The following TRAPPC12 variants were observed in gnomAD, a reference collection of about 807,000 sequenced individuals.
TRAPPC12 encodes the protein TPR repeat protein 15.
In TRAPPC12, 61 loss-of-function variants were observed where a neutral mutation model predicts 69.2. The observed-to-expected ratio is 0.88, with a 90% CI of 0.72 to 1.09. TRAPPC12 has a LOEUF of 1.09. Ranked by LOEUF, TRAPPC12 falls within the 50% of genes least tolerant of loss-of-function variation. The probability of loss-of-function intolerance (pLI) is 0.00; values close to 1 mark genes in which losing one functional copy is unlikely to be tolerated. For missense variants in TRAPPC12, 1,101 were observed against 1,016.4 expected, an observed-to-expected ratio of 1.08 and a Z score of -1.13; for synonymous variants, 469 against 438.9, an observed-to-expected ratio of 1.07 and a Z score of -0.86.
chr2:3,478,813 C>T (rs968187649), intron 10 of TRAPPC12, 33 bp from the exon 11 acceptor site: 9 of 1,603,140 alleles, frequency 5.6e-6, no homozygotes, highest in Admixed American at 5.0e-5. Flanking sequence ...CCTGGGCTTT[C>T]CCCGCTAACT....
chr2:3,401,894 G>GT lies in TRAPPC12; in HGVS notation c.1164+2dup. 6.4e-7 allele frequency: 1 copy of GT among 1,568,206 alleles called. No homozygotes were observed. The highest frequency in any genetic ancestry group is 8.7e-7 in the Non-Finnish European group (1 of 1,155,226). ...TTTTGTTGGATTGAAACAGCTAATC[G>GT]TAAGTGACAATGTGTTTGATTTCAG... On this transcript the variant is annotated splice_donor_variant, in intron 3 of 11. Coordinates refer to ENST00000324266, the MANE Select transcript of TRAPPC12 (RefSeq NM_016030.6). LOFTEE classifies it high-confidence loss of function.
At chr2:3,466,690 T>G (rs1331621822) in intron 9 of TRAPPC12, among the ~76,000 whole-genome samples, 1 of 152,098 alleles carries the variant, frequency 6.6e-6, no homozygotes, top group Non-Finnish European at 1.5e-5. Context: ...GGACACCAGA[T>G]AGTGTTGGAG....
At chr2:3,400,591 T>C (rs1392837445) in intron 2 of TRAPPC12, among the ~76,000 whole-genome samples, 3 of 152,152 alleles carry the variant, frequency 2.0e-5, no homozygotes, top group Admixed American at 2.0e-4. Context: ...TGGTCCCAGC[T>C]GTGTGTGAGA....
intron 3 of TRAPPC12, among the ~76,000 whole-genome samples, chr2:3,410,961 CGGAGGTT>C (rs1662022840): frequency 1.3e-5 from 2 of 152,118 alleles, no homozygotes; most frequent in Non-Finnish European, 1.5e-5. Context: ...ACCCAGGAGG[CGGAGGTT>C]GCAGTGAGCC....
intron 5 of TRAPPC12, among the ~76,000 whole-genome samples, chr2:3,428,790 G>A (rs1330309189): frequency 6.6e-6 from 1 of 152,070 alleles, no homozygotes; most frequent in African/African-American, 2.4e-5. Context: ...GCCTGGGGCC[G>A]ACCCAGCCCC....
chr2:3,438,910 G>A (rs1284421926), intron 5 of TRAPPC12, among the ~76,000 whole-genome samples: 2 of 152,090 alleles, frequency 1.3e-5, no homozygotes, highest in East Asian at 1.9e-4. Flanking sequence ...TCAGGGTTTT[G>A]TGTAGATACA....
chr2:3,409,750 TAAAAAAAAAAAAAAAAA>T (rs71396989), intron 3 of TRAPPC12, among the ~76,000 whole-genome samples: 2 of 54,914 alleles, frequency 3.6e-5, no homozygotes, highest in East Asian at 4.6e-4. Context: ...ACTTTGTCTT[TAAAAAAAAAAAAAAAAA>T]AAAAAAAAAA....
chr2:3,431,356 C>T (rs1428102278), intron 5 of TRAPPC12, among the ~76,000 whole-genome samples: 2 of 152,200 alleles, frequency 1.3e-5, no homozygotes, highest in Admixed American at 6.5e-5. Flanking sequence ...GGGAGCATCC[C>T]GGTCCCAGGA....
intron 5 of TRAPPC12, among the ~76,000 whole-genome samples, chr2:3,431,262 G>A (rs1663422241): frequency 6.6e-6 from 1 of 152,156 alleles, no homozygotes; most frequent in African/African-American, 2.4e-5. Flanking sequence ...CAGAGTCTTT[G>A]GCCCTGTAGA....
At chr2:3,420,991 T>C (rs1662748404) in intron 3 of TRAPPC12, among the ~76,000 whole-genome samples, 1 of 152,222 alleles carries the variant, frequency 6.6e-6, no homozygotes, top group South Asian at 2.1e-4. Flanking sequence ...ATACCACTAA[T>C]GAGTGCTCGT....
chr2:3,435,336 G>T (rs919709160), intron 5 of TRAPPC12, among the ~76,000 whole-genome samples: 2 of 152,168 alleles, frequency 1.3e-5, no homozygotes, highest in Non-Finnish European at 2.9e-5. Context: ...ACTGTTACTG[G>T]GGGGGCAGGG....
chr2:3,384,015 T>G (rs938498474), intron 1 of TRAPPC12, among the ~76,000 whole-genome samples: 6 of 148,704 alleles, frequency 4.0e-5, no homozygotes, highest in Admixed American at 1.3e-4. Flanking sequence ...CCTGCCTCAG[T>G]ATCCCAAGTA....
intron 3 of TRAPPC12, among the ~76,000 whole-genome samples, chr2:3,417,323 G>A (rs1016623033): frequency 5.3e-5 from 8 of 152,120 alleles, no homozygotes; most frequent in South Asian, 2.1e-4. Context: ...GAGCAGCCAC[G>A]GCTCCCCCCA....
At chr2:3,402,143 G>C (rs1049696012) in intron 3 of TRAPPC12, among the ~76,000 whole-genome samples, 1 of 152,146 alleles carries the variant, frequency 6.6e-6, no homozygotes, top group Non-Finnish European at 1.5e-5. Flanking sequence ...TGCATACTTT[G>C]ATTGAGTTTG....
chr2:3,475,247 C>T (rs1300058294), intron 9 of TRAPPC12, among the ~76,000 whole-genome samples: 1 of 142,876 alleles, frequency 7.0e-6, no homozygotes, highest in East Asian at 2.3e-4. Flanking sequence ...CTTACGGCCA[C>T]ACCTGGTGCT....
At chr2:3,421,813 C>T (rs951328082) in intron 3 of TRAPPC12, 68 bp from the exon 4 acceptor site, 18 of 1,415,810 alleles carry the variant, frequency 1.3e-5, no homozygotes, top group Admixed American at 1.0e-4. Flanking sequence ...AGTGGCTATG[C>T]GTTTGGGTCA....
chr2:3,388,327 T>C lies in TRAPPC12; in HGVS notation c.704T>C (p.Val235Ala). Residue 235 changes from valine to alanine, a missense_variant, in exon 2 of 12, where the codon GTC (valine) becomes GCC (alanine). Physicochemically the swap from Val to Ala is moderately conservative, Grantham distance 64. Transcript: ENST00000324266. ...DSFTTSAFIS[V>A]SNPGAGSPAP... is the part of the protein sequence containing the mutation. ...TTTACTACCTCCGCCTTCATTTCCGTCAGCAATCCCGGCGCGGGCTCCCCG... is the reference window on the plus strand; with the variant it reads ...TTTACTACCTCCGCCTTCATTTCCGCCAGCAATCCCGGCGCGGGCTCCCCG... 1 of 1,602,508 alleles carries C rather than the reference T, an allele frequency of 6.2e-7. No homozygotes were observed. Among genetic ancestry groups the C allele is most frequent in the Non-Finnish European group, 8.5e-7 (1 of 1,174,980 alleles).
At chr2:3,449,400 C>T (rs1664727142) in intron 6 of TRAPPC12, 10 of 152,554 alleles carry the variant, frequency 6.6e-5, no homozygotes, top group Admixed American at 6.5e-4. Context: ...CCGGCTTCCC[C>T]ACCTCAGCTT....
intron 3 of TRAPPC12, 91 bp downstream of exon 3, chr2:3,401,984 T>C: frequency 2.2e-6 from 2 of 915,312 alleles, no homozygotes; most frequent in Non-Finnish European, 3.2e-6. Flanking sequence ...TTATTTTGAA[T>C]ATTATTCAAA....
Sources: allele counts gnomAD v4.1 joint callset (sites outside exome capture counted in the v4.1 genomes callset), GRCh38; gene constraint gnomAD v4.1.1; transcripts MANE v1.5; gene names NCBI Gene and HGNC (gene_info 2026-07-23, HGNC 2026-07-21).